NXPH1: variants seen among roughly 807,000 people sequenced by gnomAD.
NXPH1 encodes neurexophilin 1.
A neutral mutation model predicts 23.7 loss-of-function variants in NXPH1; 5 were observed. The ratio of observed to expected loss-of-function variants is 0.21; its 90% confidence interval spans 0.11 to 0.44. The LOEUF is 0.44. Among genes scored for constraint, NXPH1 ranks in the 20% least tolerant of loss-of-function variants. The pLI is 0.99. For synonymous variants in NXPH1, 144 were observed against 122.2 expected (o/e 1.18, Z -1.18); for missense variants, 324 against 321.6 (o/e 1.01, Z -0.06).
intron 2 of NXPH1, among the ~76,000 whole-genome samples, chr7:8,586,189 T>C (rs1167813910): frequency 6.6e-6 from 1 of 152,100 alleles, no homozygotes; most frequent in Admixed American, 6.6e-5. Context: ...CCAAAAACAC[T>C]GAGGAACCTA....
chr7:8,743,662 A>G (rs1055571866), intron 2 of NXPH1, among the ~76,000 whole-genome samples: 20 of 151,504 alleles, frequency 1.3e-4, no homozygotes, highest in African/African-American at 4.6e-4. Flanking sequence ...GCTAGAGCAA[A>G]GTGTGGCAAC....
At chr7:8,718,071 A>G (rs112055737) in intron 2 of NXPH1, among the ~76,000 whole-genome samples, 177 of 152,236 alleles carry the variant, frequency 1.2e-3, no homozygotes, top group Middle Eastern at 6.8e-3. Flanking sequence ...TTAGTTGCTT[A>G]TAATATTCCT....
intron 2 of NXPH1, among the ~76,000 whole-genome samples, chr7:8,478,627 T>G (rs1584182711): frequency 6.6e-6 from 1 of 151,970 alleles, no homozygotes; most frequent in East Asian, 1.9e-4. Context: ...AATAAAAAAC[T>G]GATTTGAAAC....
chr7:8,744,872 C>T (rs1780441430), intron 2 of NXPH1, among the ~76,000 whole-genome samples: 1 of 152,180 alleles, frequency 6.6e-6, no homozygotes, highest in Non-Finnish European at 1.5e-5. Flanking sequence ...TTCTCTGCTA[C>T]TGTTTTGGTT....
intron 2 of NXPH1, among the ~76,000 whole-genome samples, chr7:8,456,320 G>T (rs1428178949): frequency 6.6e-6 from 1 of 152,030 alleles, no homozygotes; most frequent in Admixed American, 6.5e-5. Flanking sequence ...TCACTGAATT[G>T]GAAATAATAA....
At chr7:8,675,731 C>T (rs944051167) in intron 2 of NXPH1, among the ~76,000 whole-genome samples, 3 of 152,038 alleles carry the variant, frequency 2.0e-5, no homozygotes, top group African/African-American at 7.2e-5. Context: ...TCCAGGTAAA[C>T]GTGGATGAGA....
intron 2 of NXPH1, among the ~76,000 whole-genome samples, chr7:8,484,164 C>T (rs568673598): frequency 7.2e-5 from 11 of 152,140 alleles, no homozygotes; most frequent in South Asian, 4.1e-4. Context: ...GGGGCTACAA[C>T]GGTCACTAAG....
chr7:8,601,643 G>A (rs1819364501), intron 2 of NXPH1, among the ~76,000 whole-genome samples: 1 of 152,106 alleles, frequency 6.6e-6, no homozygotes, highest in Non-Finnish European at 1.5e-5. Flanking sequence ...TCCCATAAGA[G>A]GTACATCTAC....
At chr7:8,733,649 T>A (rs567948497) in intron 2 of NXPH1, among the ~76,000 whole-genome samples, 23 of 152,362 alleles carry the variant, frequency 1.5e-4, no homozygotes, top group South Asian at 4.1e-4. Flanking sequence ...GCTTTTTTTT[T>A]AATATGTTTT....
rs999361787 is a variant in NXPH1 at position 8,442,547 on chromosome 7, T to C, written c.54+6780T>C. Among the ~76,000 whole-genome samples the C allele has an allele frequency of 3.9e-5, 6 of 152,192 alleles. No individual in the cohort carries two copies. ...ATGTCTTAGACCCCGTCCTCACACATTGACTTTAAAAGGCCATTTTCCTTC... is the reference window on the plus strand; with the variant it reads ...ATGTCTTAGACCCCGTCCTCACACACTGACTTTAAAAGGCCATTTTCCTTC... On this transcript the variant is annotated intron_variant, in intron 2 of 2. Transcript: ENST00000405863. This position sits in a 1 kb window ranked among gnomAD's most constrained non-coding sequence, Gnocchi z 4.6.
intron 2 of NXPH1, among the ~76,000 whole-genome samples, chr7:8,492,685 G>A (rs1424027815): frequency 6.6e-6 from 1 of 151,960 alleles, no homozygotes; most frequent in African/African-American, 2.4e-5. Flanking sequence ...ACACATTGTG[G>A]TTGTTGTCAT....
intron 2 of NXPH1, among the ~76,000 whole-genome samples, chr7:8,488,618 C>G (rs150445987): frequency 1.3e-5 from 2 of 152,056 alleles, no homozygotes; most frequent in African/African-American, 4.8e-5. Context: ...TGTTTTTGGT[C>G]TTCTGAAGGC....
intron 2 of NXPH1, among the ~76,000 whole-genome samples, chr7:8,604,869 C>G (rs998438453): frequency 3.3e-5 from 5 of 152,004 alleles, no homozygotes; most frequent in African/African-American, 1.2e-4. Context: ...CAAATAAGCC[C>G]AAATCTATTT....
chr7:8,607,519 A>G (rs1038202963), intron 2 of NXPH1, among the ~76,000 whole-genome samples: 4 of 152,186 alleles, frequency 2.6e-5, no homozygotes, highest in Non-Finnish European at 5.9e-5. Flanking sequence ...TATTAATGCA[A>G]CAGACTTCTG....
intron 2 of NXPH1, among the ~76,000 whole-genome samples, chr7:8,448,996 T>G (rs1816456950): frequency 6.6e-6 from 1 of 152,242 alleles, no homozygotes; most frequent in African/African-American, 2.4e-5. Flanking sequence ...GATGTGATTT[T>G]AAATATTAAT....
intron 2 of NXPH1, among the ~76,000 whole-genome samples, chr7:8,664,372 C>G (rs192001131): frequency 6.6e-6 from 1 of 152,110 alleles, no homozygotes. Context: ...GCCTCAACTG[C>G]TCACTACCTA....
At chr7:8,475,902 A>C (rs1340763622) in intron 2 of NXPH1, among the ~76,000 whole-genome samples, 1 of 152,144 alleles carries the variant, frequency 6.6e-6, no homozygotes, top group East Asian at 1.9e-4. Flanking sequence ...CTCTGTTTTA[A>C]TTCCAGATAA....
At chr7:8,669,468 G>A (rs1459487873) in intron 2 of NXPH1, among the ~76,000 whole-genome samples, 1 of 152,200 alleles carries the variant, frequency 6.6e-6, no homozygotes, top group East Asian at 1.9e-4. Context: ...ATGAAGCCTG[G>A]GGCTGTAGGA....
intron 2 of NXPH1, among the ~76,000 whole-genome samples, chr7:8,576,855 G>C (rs1311463039): frequency 2.0e-5 from 3 of 152,060 alleles, no homozygotes; most frequent in African/African-American, 4.8e-5. Context: ...TCAGAGTTAT[G>C]TTTCCAGATG....
Sources: allele counts gnomAD v4.1 joint callset (sites outside exome capture counted in the v4.1 genomes callset), GRCh38; gene constraint gnomAD v4.1.1; non-coding constraint Gnocchi (gnomAD v3.1); transcripts MANE v1.5; gene names NCBI Gene and HGNC (gene_info 2026-07-23, HGNC 2026-07-21).